The following PHLDB2 variants were observed in gnomAD, a reference collection of about 807,000 sequenced individuals.
PHLDB2 encodes pleckstrin homology-like domain family B member 2.
In PHLDB2, 71 loss-of-function variants were observed where a neutral mutation model predicts 123.6. The observed-to-expected ratio is 0.57, with a 90% CI of 0.47 to 0.70. The LOEUF is 0.70. Among genes scored for constraint, PHLDB2 ranks in the 30% least tolerant of loss-of-function variants. The probability of loss-of-function intolerance (pLI) is 0.00; values close to 1 mark genes in which losing one functional copy is unlikely to be tolerated. For synonymous variants in PHLDB2, 547 were observed against 541.6 expected (o/e 1.01, Z -0.14); for missense variants, 1,446 against 1,519.5 (o/e 0.95, Z 0.80).
intron 10 of PHLDB2, among the ~76,000 whole-genome samples, chr3:111,950,613 A>AT (rs1279548900): frequency 2.0e-5 from 3 of 152,168 alleles, no homozygotes; most frequent in Admixed American, 2.0e-4. Flanking sequence ...TCAAAAAAAA[A>AT]ATTTGTTTTG....
chr3:111,757,024 A>T (rs2059903313), intron 1 of PHLDB2, among the ~76,000 whole-genome samples: 1 of 152,218 alleles, frequency 6.6e-6, no homozygotes, highest in Non-Finnish European at 1.5e-5. Flanking sequence ...ATCCACTGTT[A>T]GTCTGATGGG....
intron 2 of PHLDB2, among the ~76,000 whole-genome samples, chr3:111,848,421 T>C (rs773993837): frequency 3.3e-5 from 5 of 152,158 alleles, no homozygotes; most frequent in Non-Finnish European, 5.9e-5. Flanking sequence ...AGGAAAACAA[T>C]AAACCACATC....
intron 2 of PHLDB2, among the ~76,000 whole-genome samples, chr3:111,913,003 T>C (rs1231567179): frequency 6.6e-6 from 1 of 152,070 alleles, no homozygotes; most frequent in South Asian, 2.1e-4. Context: ...TTCAGAAACC[T>C]TGGAGAATTT....
intron 1 of PHLDB2, among the ~76,000 whole-genome samples, chr3:111,756,659 A>G (rs1365607006): frequency 6.6e-6 from 1 of 151,996 alleles, no homozygotes; most frequent in Admixed American, 6.6e-5. Flanking sequence ...TTTAAAGTTA[A>G]TATTGTTATG....
upstream of PHLDB2, among the ~76,000 whole-genome samples, chr3:111,855,265 G>A (rs939791437): frequency 3.3e-5 from 5 of 152,154 alleles, no homozygotes; most frequent in Non-Finnish European, 7.4e-5. Context: ...AAACAAGAAA[G>A]GTCTGCTGTT....
intron 2 of PHLDB2, among the ~76,000 whole-genome samples, chr3:111,909,649 C>T (rs1193645237): frequency 2.0e-5 from 3 of 151,798 alleles, no homozygotes; most frequent in Non-Finnish European, 4.4e-5. Context: ...ATTTATGGAT[C>T]CCCAGCACGT....
intron 1 of PHLDB2, among the ~76,000 whole-genome samples, chr3:111,797,906 A>T (rs1195700019): frequency 6.6e-6 from 1 of 152,200 alleles, no homozygotes; most frequent in Non-Finnish European, 1.5e-5. Context: ...CCACTGTGGA[A>T]GGATCGCTTG....
At chr3:111,933,145 C>T (rs1449320643) in intron 6 of PHLDB2, among the ~76,000 whole-genome samples, 1 of 152,214 alleles carries the variant, frequency 6.6e-6, no homozygotes, top group South Asian at 2.1e-4. Flanking sequence ...TTCATAGCCT[C>T]TTGGCAACTG....
intron 9 of PHLDB2, 129 bp from the exon 10 acceptor site, chr3:111,948,803 C>T: frequency 1.3e-6 from 1 of 761,058 alleles, no homozygotes; most frequent in Non-Finnish European, 2.0e-6. Flanking sequence ...TTTAATGAAA[C>T]ATTTGATAAT....
chr3:111,938,706 G>A (rs771792152), intron 6 of PHLDB2, among the ~76,000 whole-genome samples: 62 of 152,214 alleles, frequency 4.1e-4, no homozygotes, highest in Middle Eastern at 3.4e-3. Flanking sequence ...GTCTGTACGT[G>A]TGCCAACTTT....
intron 2 of PHLDB2, among the ~76,000 whole-genome samples, chr3:111,849,874 T>C (rs1400876103): frequency 6.6e-6 from 1 of 152,124 alleles, no homozygotes; most frequent in African/African-American, 2.4e-5. Context: ...TTATTCTTTT[T>C]TTTTTGGGAC....
intron 1 of PHLDB2, among the ~76,000 whole-genome samples, chr3:111,869,491 G>C (rs1466088909): frequency 6.6e-6 from 1 of 151,918 alleles, no homozygotes; most frequent in Non-Finnish European, 1.5e-5. Flanking sequence ...GAAAGAAAAA[G>C]AAAAGCAAGA....
At chr3:111,949,832 C>T in intron 10 of PHLDB2, 1 of 985,930 alleles carries the variant, frequency 1.0e-6, no homozygotes, top group Non-Finnish European at 1.2e-6. Flanking sequence ...TTAAATGACA[C>T]ACCTCCTCCT....
At position 111,940,532 on chromosome 3, in the gene PHLDB2, C is replaced by G; in HGVS notation, c.2287-3C>G. ...CTTCCTATGATCATCTCTTTTCCTC[C>G]AGGAAAAAATTTCTGCATTGAAAAA... On this transcript the variant is annotated splice_polypyrimidine_tract_variant and splice_region_variant and intron_variant, in intron 7 of 17. Transcript: ENST00000431670. 6.4e-7 allele frequency: 1 copy of G among 1,570,092 alleles called. No homozygotes were observed. The highest frequency in any genetic ancestry group is 8.7e-7 in the Non-Finnish European group (1 of 1,147,112).
chr3:111,864,205 G>A (rs1047334890), intron 1 of PHLDB2, among the ~76,000 whole-genome samples: 2 of 152,064 alleles, frequency 1.3e-5, no homozygotes, highest in African/African-American at 2.4e-5. Context: ...ATGCAAAAGG[G>A]GTGTAGCAGT....
intron 1 of PHLDB2, among the ~76,000 whole-genome samples, chr3:111,800,382 T>C (rs1013383584): frequency 6.6e-6 from 1 of 152,216 alleles, no homozygotes; most frequent in African/African-American, 2.4e-5. Flanking sequence ...TTTTATACCC[T>C]CTGTGCCTTT....
At position 111,969,709 on chromosome 3, in the gene PHLDB2, A is replaced by G; in HGVS notation, c.3335A>G (p.Tyr1112Cys). ...TTCCAGGCTCGTCCTTTGACACGCT[A>G]CCTGCCTGTCCGGAAGGAAGACTTT... The part of the protein sequence containing the change: ...QRAQARPLTR[Y>C]LPVRKEDFDL... Residue 1112 changes from tyrosine to cysteine, a missense_variant, in exon 16 of 18, where the codon TAC becomes TGC. This residue lies in a region of PHLDB2 where 594 missense variants were observed against 646.0 expected (regional missense o/e 0.92). Transcript: ENST00000431670. 6.2e-7 allele frequency: 1 copy of G among 1,613,910 alleles called. No individual in the cohort carries two copies. The highest frequency in any genetic ancestry group is 8.5e-7 in the Non-Finnish European group (1 of 1,179,822).
intron 2 of PHLDB2, among the ~76,000 whole-genome samples, chr3:111,904,838 C>T (rs1193239328): frequency 6.6e-6 from 1 of 152,136 alleles, no homozygotes. Context: ...AGAGACTCTC[C>T]TCAGATAACT....
rs538792619 is a variant in PHLDB2, at chr3:111,905,515, C to T, written c.1336-7804C>T. ...GGGACTACAGGTGCGTGCCACCTCACCCAGCTAATTTTTGTATTTTTAGTA... is the reference window on the plus strand; with the variant it reads ...GGGACTACAGGTGCGTGCCACCTCATCCAGCTAATTTTTGTATTTTTAGTA... On this transcript the variant is annotated intron_variant, in intron 2 of 17. Transcript: ENST00000431670. Among the ~76,000 whole-genome samples, 12 of 152,212 alleles carry T rather than the reference C, an allele frequency of 7.9e-5. No individual in the cohort carries two copies. The South Asian group carries it at 2.5e-3, about 32-fold the overall frequency.
Sources: allele counts gnomAD v4.1 joint callset (sites outside exome capture counted in the v4.1 genomes callset), GRCh38; gene constraint gnomAD v4.1.1; regional missense constraint gnomAD v4.1.1; transcripts MANE v1.5; gene names NCBI Gene and HGNC (gene_info 2026-07-23, HGNC 2026-07-21).